Variants in ANKS1B observed in about 807,000 individuals in gnomAD.
The protein encoded by ANKS1B is ankyrin repeat and sterile alpha motif domain containing 1B.
ANKS1B carries 36 observed loss-of-function variants against 148.3 expected under a neutral mutation model. The observed-to-expected ratio is 0.24, with a 90% CI of 0.19 to 0.32. The LOEUF (loss-of-function observed/expected upper bound fraction) is 0.32, where lower values mean the gene tolerates loss of function less well. Ranked by LOEUF, ANKS1B falls within the 10% of genes least tolerant of loss-of-function variation. ANKS1B has a pLI of 1.00. For missense variants in ANKS1B, 1,157 were observed against 1,542.6 expected, an observed-to-expected ratio of 0.75 and a Z score of 4.19; for synonymous variants, 542 against 560.8, an observed-to-expected ratio of 0.97 and a Z score of 0.47.
chr12:99,429,733 G>A (rs2095331070), intron 11 of ANKS1B, among the ~76,000 whole-genome samples: 2 of 152,208 alleles, frequency 1.3e-5, no homozygotes, highest in South Asian at 4.1e-4. Context: ...GGAGGCCAAG[G>A]CGGGTGGATC....
intron 10 of ANKS1B, among the ~76,000 whole-genome samples, chr12:99,491,283 C>T (rs550369179): frequency 6.0e-5 from 9 of 149,738 alleles, no homozygotes; most frequent in East Asian, 4.0e-4. Context: ...CCAGCCTGGG[C>T]GACAGAGCAA....
At chr12:99,175,607 C>CT (rs1227857965) in intron 14 of ANKS1B, among the ~76,000 whole-genome samples, 2 of 152,094 alleles carry the variant, frequency 1.3e-5, no homozygotes, top group Non-Finnish European at 2.9e-5. Flanking sequence ...GATAAGCAAT[C>CT]TTTTTTTATA....
chr12:99,496,313 A>T (rs1247291356), intron 10 of ANKS1B, among the ~76,000 whole-genome samples: 1 of 152,226 alleles, frequency 6.6e-6, no homozygotes, highest in Admixed American at 6.5e-5. Context: ...TGGCTATTTC[A>T]TAAGGGATTT....
intron 8 of ANKS1B, among the ~76,000 whole-genome samples, chr12:99,700,614 T>A (rs1433581326): frequency 6.6e-6 from 1 of 152,090 alleles, no homozygotes; most frequent in Non-Finnish European, 1.5e-5. Flanking sequence ...TATTGAGAAC[T>A]TTCACCTTTT....
chr12:99,651,787 CTGATAA>C (rs1220299706), intron 9 of ANKS1B, among the ~76,000 whole-genome samples: 1 of 151,812 alleles, frequency 6.6e-6, no homozygotes, highest in Non-Finnish European at 1.5e-5. Context: ...ATAATAGATA[CTGATAA>C]TAACAGAAAA....
chr12:98,816,539 G>A (rs779738308), intron 19 of ANKS1B, among the ~76,000 whole-genome samples: 2 of 152,098 alleles, frequency 1.3e-5, no homozygotes, highest in East Asian at 1.9e-4. Flanking sequence ...GGATCCCCTC[G>A]CCTCGGCCTC....
At chr12:99,379,539 A>C (rs559801980) in intron 12 of ANKS1B, among the ~76,000 whole-genome samples, 5 of 152,348 alleles carry the variant, frequency 3.3e-5, no homozygotes, top group South Asian at 2.1e-4. Context: ...GACAATGATG[A>C]CTTTTATTGC....
chr12:99,177,216 C>T lies in ANKS1B; in HGVS notation c.2420-22821G>A, dbSNP rs573157493. Among the ~76,000 whole-genome samples, 36 of 152,300 alleles carry T rather than the reference C, an allele frequency of 2.4e-4. No homozygotes were observed. The South Asian group carries it at 5.0e-3, about 21-fold the overall frequency. The stretch of plus-strand genomic sequence containing the variant: ...CTTTACGAAAACGTCCATGCCCATA[C>T]CTCTGTTCCCTGACGCTAGCATGCT... On this transcript the variant is annotated intron_variant, in intron 14 of 26. Transcript: ENST00000683438.
intron 14 of ANKS1B, among the ~76,000 whole-genome samples, chr12:99,179,178 C>T (rs1168439287): frequency 6.6e-6 from 1 of 152,010 alleles, no homozygotes; most frequent in African/African-American, 2.4e-5. Context: ...CCTATAATCC[C>T]AGCACTTTGG....
intron 12 of ANKS1B, among the ~76,000 whole-genome samples, chr12:99,270,524 C>T (rs2153987858): frequency 6.6e-6 from 1 of 152,298 alleles, no homozygotes; most frequent in Non-Finnish European, 1.5e-5. Context: ...TAAGGACATT[C>T]CATGTTAACT....
At chr12:99,021,858 C>A (rs540163580) in intron 17 of ANKS1B, among the ~76,000 whole-genome samples, 2 of 152,094 alleles carry the variant, frequency 1.3e-5, no homozygotes, top group African/African-American at 4.8e-5. Flanking sequence ...CTAAATAGTA[C>A]GAAATAATCT....
intron 1 of ANKS1B, among the ~76,000 whole-genome samples, chr12:99,868,389 AAAT>A (rs749032683): frequency 3.5e-4 from 54 of 152,174 alleles, no homozygotes; most frequent in Non-Finnish European, 3.2e-4. Context: ...CTTAATTATG[AAAT>A]AATAAAAGTT....
At chr12:98,976,083 T>C (rs190039143) in intron 17 of ANKS1B, among the ~76,000 whole-genome samples, 396 of 152,340 alleles carry the variant, frequency 2.6e-3, no homozygotes, top group Middle Eastern at 6.8e-3. Flanking sequence ...AACAATCATG[T>C]CTATAAGACA....
chr12:98,808,011 A>C (rs2099064143), intron 19 of ANKS1B, 93 bp from the exon 20 acceptor site: 1 of 959,008 alleles, frequency 1.0e-6, no homozygotes, highest in Non-Finnish European at 1.6e-6. Flanking sequence ...GAAAATAATA[A>C]AATGCAAAGA....
chr12:99,978,769 TTA>T (rs1406921387), intron 1 of ANKS1B, among the ~76,000 whole-genome samples: 2 of 152,198 alleles, frequency 1.3e-5, no homozygotes, highest in Non-Finnish European at 2.9e-5. Context: ...TCTCTGGTTT[TTA>T]TGTTTTTGGT....
chr12:99,605,648 T>C (rs2097846328), intron 9 of ANKS1B, among the ~76,000 whole-genome samples: 1 of 152,148 alleles, frequency 6.6e-6, no homozygotes, highest in Admixed American at 6.6e-5. Context: ...TCCATGTTGC[T>C]AGAAATGACA....
chr12:99,121,318 G>GGTGTGTGTGTGT (rs1555269938), intron 15 of ANKS1B, among the ~76,000 whole-genome samples: 1 of 105,926 alleles, frequency 9.4e-6, no homozygotes, highest in Non-Finnish European at 1.9e-5. Flanking sequence ...TGTGTATGTA[G>GGTGTGTGTGTGT]GTATGTGTGT....
chr12:99,455,381 T>C (rs1224039281), intron 10 of ANKS1B, among the ~76,000 whole-genome samples: 1 of 152,190 alleles, frequency 6.6e-6, no homozygotes, highest in Non-Finnish European at 1.5e-5. Flanking sequence ...ACCCACATCA[T>C]GAACTTTTGC....
At chr12:99,724,356 C>G (rs2058407300) in intron 8 of ANKS1B, among the ~76,000 whole-genome samples, 1 of 152,128 alleles carries the variant, frequency 6.6e-6, no homozygotes, top group South Asian at 2.1e-4. Flanking sequence ...CTTCGTGAAG[C>G]ATACAGAAGT....
Sources: allele counts gnomAD v4.1 joint callset (sites outside exome capture counted in the v4.1 genomes callset), GRCh38; gene constraint gnomAD v4.1.1; transcripts MANE v1.5; gene names NCBI Gene and HGNC (gene_info 2026-07-23, HGNC 2026-07-21).